Variants in SNAPC5 observed in about 807,000 individuals in gnomAD.
SNAPC5 encodes the protein snRNA-activating protein complex subunit 5.
Under a neutral mutation model 9.1 loss-of-function variants are expected in SNAPC5, and 12 were observed. The ratio of observed to expected loss-of-function variants is 1.32; its 90% CI spans 0.85 to 2.15. SNAPC5 has a LOEUF of 2.15. Among genes scored for constraint, SNAPC5 ranks in the 30% most tolerant of loss-of-function variants. The pLI is 0.00. For synonymous variants in SNAPC5, 52 were observed against 47.3 expected, an observed-to-expected ratio of 1.10 and a Z score of -0.41; for missense variants, 132 against 114.4, an observed-to-expected ratio of 1.15 and a Z score of -0.70.
chr15:66,492,101 TC>T (rs374349366), downstream of SNAPC5: 4,523 of 455,212 alleles, frequency 9.9e-3, 35 homozygotes, highest in Middle Eastern at 0.016. Context: ...AACCACACCT[TC>T]CTGGAAAGGA....
chr15:66,494,651 CT>C (rs1213073774), intron 2 of SNAPC5, 99 bp from the exon 3 acceptor site: 2 of 826,168 alleles, frequency 2.4e-6, no homozygotes, highest in Non-Finnish European at 4.1e-6. Context: ...AATTGCATAT[CT>C]ATCCCCAGTA....
At chr15:66,489,865 C>G, downstream of SNAPC5, 1 of 983,404 alleles carries the variant, frequency 1.0e-6, no homozygotes, top group Non-Finnish European at 1.6e-6. Context: ...ATTCCCTGCC[C>G]ACTGTGGTCC....
downstream of SNAPC5, chr15:66,491,424 CGT>C (rs2140689901): frequency 4.4e-6 from 1 of 227,524 alleles, no homozygotes; most frequent in South Asian, 1.8e-4. Context: ...TTGTAAACAA[CGT>C]GTATAGTGCC....
downstream of SNAPC5, chr15:66,490,273 A>G: frequency 1.5e-6 from 1 of 667,946 alleles, no homozygotes; most frequent in East Asian, 2.8e-5. Flanking sequence ...TCCATACTGC[A>G]CGAGTAGGCT....
rs766995210 is a variant in SNAPC5 at position 66,497,700 on chromosome 15, T to A, written c.32A>T (p.Glu11Val). 17 of 1,613,548 alleles carry A rather than the reference T, an allele frequency of 1.1e-5. No homozygotes were observed. The South Asian group carries it at 1.4e-4, about 14-fold the overall frequency. MLSRLQELRK[E>V]EETLLRLKAA... is the part of the protein sequence containing the mutation. ...CTTCAACCGCAGCAGCGTCTCCTCCTCCTTGCGCAGTTCCTGAAGCCGGCT... is the reference window on the plus strand; with the variant it reads ...CTTCAACCGCAGCAGCGTCTCCTCCACCTTGCGCAGTTCCTGAAGCCGGCT... The change falls in exon 1 of 3, where the codon GAG becomes GTG. Residue 11 changes from glutamate (E) to valine (V), a missense_variant. Glu to Val is a moderately radical substitution (Grantham distance 121, BLOSUM62 -2). Transcript: ENST00000316634.
At chr15:66,490,203 C>G (rs1392503449), downstream of SNAPC5, 5 of 550,628 alleles carry the variant, frequency 9.1e-6, no homozygotes, top group Non-Finnish European at 1.6e-5. Context: ...TGCACTAAGT[C>G]CATCATTTTC....
chr15:66,491,017 CTT>C (rs2140688749), downstream of SNAPC5: 1 of 423,072 alleles, frequency 2.4e-6, no homozygotes, highest in Non-Finnish European at 4.4e-6. Context: ...GCTGGGCATA[CTT>C]TCTCTCTAGG....
At chr15:66,490,353 G>A (rs1169414292), downstream of SNAPC5, 1 of 741,610 alleles carries the variant, frequency 1.3e-6, no homozygotes, top group Non-Finnish European at 2.5e-6. Flanking sequence ...GCCTGCAGCT[G>A]GCCCCACTGT....
chr15:66,492,917 T>C (rs1263229864), downstream of SNAPC5, among the ~76,000 whole-genome samples: 1 of 152,146 alleles, frequency 6.6e-6, no homozygotes, highest in African/African-American at 2.4e-5. Context: ...AGTGACCAGT[T>C]TGTGGTAGAG....
chr15:66,492,054 T>A (rs1409032164), downstream of SNAPC5: 1 of 456,584 alleles, frequency 2.2e-6, no homozygotes, highest in South Asian at 1.5e-5. Context: ...CTTTGCGACA[T>A]TAAGCAATGG....
intron 1 of SNAPC5, among the ~76,000 whole-genome samples, chr15:66,497,212 T>G (rs1893466113): frequency 6.6e-6 from 1 of 152,196 alleles, no homozygotes; most frequent in East Asian, 1.9e-4. Context: ...GAGTTCCTTC[T>G]GGCTTGGCAA....
rs1331464138 is a variant in SNAPC5 at position 66,494,240 on chromosome 15, T to C, written c.*196A>G. 1.6e-6 allele frequency: 1 copy of C among 613,908 alleles called. No individual in the cohort carries two copies. Among genetic ancestry groups the C allele is most frequent in the Non-Finnish European group, 2.9e-6 (1 of 340,326 alleles). 38.0% of individuals were successfully genotyped at this position (613,908 alleles called of 1,614,324 possible). A position where few individuals can be genotyped will look rare whatever the true frequency, so the allele number is the denominator to read the frequency against. On this transcript the variant is annotated 3_prime_UTR_variant, in exon 3 of 3. Transcript: ENST00000316634. ...CAATGCTAAGACACAGCATCTTTGA[T>C]TTTCTGTATGTCATAACATTCTGAA...
downstream of SNAPC5, chr15:66,490,858 A>C: frequency 1.7e-6 from 1 of 572,940 alleles, no homozygotes; most frequent in Non-Finnish European, 3.2e-6. Flanking sequence ...GTGTATGCTG[A>C]TGATCAAAAC....
chr15:66,490,532 G>A, downstream of SNAPC5: 1 of 1,614,134 alleles, frequency 6.2e-7, no homozygotes, highest in Non-Finnish European at 8.5e-7. Flanking sequence ...ATCTGATGCT[G>A]AGGAAGTGGA....
At chr15:66,490,668 G>A (rs755282867), downstream of SNAPC5, 12 of 1,359,308 alleles carry the variant, frequency 8.8e-6, no homozygotes, top group Middle Eastern at 1.8e-4. Context: ...TTGCCATGTC[G>A]CTTTTGGGCC....
At position 66,497,618 on chromosome 15, in the gene SNAPC5, G is replaced by A. The variant is rs775594331; in HGVS notation, c.90+24C>T. ...GGTCGCTCGGGAGGAATGGAGGAGGGGCAGGAGAGGGCCGCGGGGTCACCT... is the reference window on the plus strand; with the variant it reads ...GGTCGCTCGGGAGGAATGGAGGAGGAGCAGGAGAGGGCCGCGGGGTCACCT... On this transcript the variant is annotated intron_variant, in intron 1 of 2. Transcript: ENST00000316634. 7.5e-6 allele frequency: 12 copies of A among 1,606,330 alleles called. No individual in the cohort carries two copies. The Admixed American group carries it at 1.3e-4, about 18-fold the overall frequency.
intron 2 of SNAPC5, 131 bp from the exon 3 acceptor site, chr15:66,494,683 C>G (rs1360292355): frequency 1.6e-6 from 1 of 636,178 alleles, no homozygotes; most frequent in South Asian, 2.1e-5. Flanking sequence ...AGAGGTATGG[C>G]CACTTTCCTT....
chr15:66,497,471 C>A (rs1893475661), intron 1 of SNAPC5, 171 bp downstream of exon 1: 1 of 672,134 alleles, frequency 1.5e-6, no homozygotes, highest in Non-Finnish European at 2.7e-6. Flanking sequence ...ACAGCAAACT[C>A]CCCAGGTGAT....
At chr15:66,494,649 A>G in intron 2 of SNAPC5, 97 bp from the exon 3 acceptor site, 2 of 833,936 alleles carry the variant, frequency 2.4e-6, no homozygotes, top group East Asian at 2.4e-5. Flanking sequence ...TCAATTGCAT[A>G]TCTATCCCCA....
Sources: gnomAD v4.1 joint callset for allele counts (sites outside exome capture counted in the v4.1 genomes callset) on GRCh38, gnomAD v4.1.1 for gene constraint, MANE v1.5 for transcripts, NCBI Gene and HGNC (gene_info 2026-07-23, HGNC 2026-07-21) for gene names.